Variants in ABCA7 observed in about 807,000 individuals in gnomAD.
The protein encoded by ABCA7 is phospholipid-transporting ATPase ABCA7.
A neutral mutation model predicts 227.6 loss-of-function variants in ABCA7; 261 were observed. The ratio of observed to expected loss-of-function variants is 1.15; its 90% CI spans 1.04 to 1.27. The LOEUF is 1.27. ABCA7 is among the 50% of genes most tolerant of loss of function. ABCA7 has a pLI of 0.00. For synonymous variants in ABCA7, 1,488 were observed against 1,279.7 expected (o/e 1.16, Z -3.47); for missense variants, 3,331 against 2,924.5 (o/e 1.14, Z -3.21).
chr19:1,048,496 C>CAAAAAAAAGAAAAA (rs1391167069), intron 16 of ABCA7, among the ~76,000 whole-genome samples: 1 of 21,628 alleles, frequency 4.6e-5, no homozygotes, highest in African/African-American at 1.9e-4. Context: ...AACTCAGTCT[C>CAAAAAAAAGAAAAA]AAAAAAAAAA....
intron 12 of ABCA7, 129 bp downstream of exon 12, chr19:1,045,360 T>C: frequency 2.0e-6 from 2 of 985,418 alleles, no homozygotes; most frequent in Non-Finnish European, 1.5e-6. Flanking sequence ...AACAGTGGTA[T>C]GGTAGCCAGA....
At chr19:1,058,324 G>A in intron 37 of ABCA7, 55 bp downstream of exon 37, 1 of 1,600,614 alleles carries the variant, frequency 6.2e-7, no homozygotes, top group South Asian at 1.1e-5. Flanking sequence ...CACCCTTGGA[G>A]ACCTAGAGTT....
At position 1,063,752 on chromosome 19, in the gene ABCA7, C is replaced by T; in HGVS notation, c.5848-8C>T. On this transcript the variant is annotated splice_region_variant and splice_polypyrimidine_tract_variant and intron_variant, in intron 43 of 46. Transcript: ENST00000263094. ...GGCCTTGCTTATGGGATCTTCCGTG[C>T]TCCCCAGGACGAGCCGACCACAGGC... is the stretch of plus-strand genomic sequence containing the variant. 6.5e-7 allele frequency: 1 copy of T among 1,546,782 alleles called. No homozygotes were observed. The highest frequency in any genetic ancestry group is 8.7e-7 in the Non-Finnish European group (1 of 1,145,692).
chr19:1,042,857 T>G (rs777032781), intron 7 of ABCA7, 31 bp downstream of exon 7: 1 of 1,540,340 alleles, frequency 6.5e-7, no homozygotes, highest in South Asian at 1.2e-5. Flanking sequence ...TCAACCCCCA[T>G]GGAGGCAACG....
At position 1,053,440 on chromosome 19, in the gene ABCA7, G is replaced by A. The variant is rs1568353720; in HGVS notation, c.3332G>A (p.Gly1111Asp). ...CTGCCCTACACGGGTGCCCATGACGGCAGCTTCGCCACACTCTTCCGAGAG... is the reference window on the plus strand; with the variant it reads ...CTGCCCTACACGGGTGCCCATGACGACAGCTTCGCCACACTCTTCCGAGAG... ...LVLPYTGAHD[G>D]SFATLFRELD... The change falls in exon 24 of 47, where the codon GGC (glycine) becomes GAC (aspartate). Residue 1111 changes from glycine (G) to aspartate (D), a missense_variant. Transcript: ENST00000263094. 3 of 1,603,724 alleles carry A rather than the reference G, an allele frequency of 1.9e-6. No homozygotes were observed. Among genetic ancestry groups the A allele is most frequent in the Non-Finnish European group, 2.5e-6 (3 of 1,176,922 alleles).
In ABCA7 at chr19:1,053,322, C is replaced by T; in HGVS notation, c.3221-7C>T. 10 of 1,606,398 alleles carry T rather than the reference C, an allele frequency of 6.2e-6. No homozygotes were observed. Among genetic ancestry groups the T allele is most frequent in the Non-Finnish European group, 8.5e-6 (10 of 1,177,344 alleles). ...GGGCTCCCTGAAGCACCCCTTTGTC[C>T]ACACAGGCACTCCTCAGCTGCTGGC... On this transcript the variant is annotated splice_region_variant and splice_polypyrimidine_tract_variant and intron_variant, in intron 23 of 46. Transcript: ENST00000263094.
chr19:1,055,191 C>T lies in ABCA7; in HGVS notation c.4045C>T (p.Arg1349Trp), dbSNP rs769101205. The change falls in exon 30 of 47, where the codon CGG becomes TGG. Residue 1349 changes from arginine to tryptophan, a missense_variant. Physicochemically the swap from Arg to Trp is moderately radical, Grantham distance 101. Coordinates refer to ENST00000263094, the MANE Select transcript of ABCA7 (RefSeq NM_019112.4). Reference protein sequence around the residue: ...ESPSPACQCSRPGARRLLPDC... With the variant: ...ESPSPACQCSWPGARRLLPDC... ...TCCATCCCCAGCCTGCCAGTGTAGC[C>T]GGCCCGGTGCCCGGCGCCTGCTGCC... The T allele has an allele frequency of 5.6e-6, 9 of 1,611,992 alleles. No individual in the cohort carries two copies. In the African/African-American group the frequency reaches 9.3e-5, roughly 17 times the overall value.
In ABCA7 at chr19:1,047,499, C is replaced by T; in HGVS notation, c.2114C>T (p.Ala705Val). 1 of 1,580,276 alleles carries T rather than the reference C, an allele frequency of 6.3e-7. No individual in the cohort carries two copies. Among genetic ancestry groups the T allele is most frequent in the Non-Finnish European group, 8.6e-7 (1 of 1,168,504 alleles). ...TTCGGCTTCGGCTGCGAGAGCCTGG[C>T]TCTGCTGGAGGAGCAGGGCGAGGGC... ...VAFGFGCESL[A>V]LLEEQGEGAQ... The change falls in exon 16 of 47, where the codon GCT (alanine) becomes GTT (valine). Residue 705 changes from alanine (A) to valine (V), a missense_variant. By Grantham distance (64) the Ala-to-Val change is moderately conservative. Coordinates refer to ENST00000263094, the MANE Select transcript of ABCA7 (RefSeq NM_019112.4).
Position 1,049,019 on chromosome 19 carries a change from A to T in ABCA7, c.2380+14A>T. On this transcript the variant is annotated intron_variant, in intron 17 of 46. Transcript: ENST00000263094. ...TGGACCCAAAGGGTGAGGCACTACG[A>T]GGCTTAATAGCTGGTTGTCCACATA... 6.8e-7 allele frequency: 1 copy of T among 1,480,368 alleles called. No homozygotes were observed. Among genetic ancestry groups the T allele is most frequent in the Non-Finnish European group, 9.2e-7 (1 of 1,086,876 alleles). The allele number at this position is 1,480,368 out of a possible 1,614,324, so 91.7% of individuals were successfully genotyped here. A position where few individuals can be genotyped will look rare whatever the true frequency, so the allele number is the denominator to read the frequency against.
chr19:1,064,812 T>C (rs2042934647), intron 45 of ABCA7, 119 bp from the exon 46 acceptor site: 2 of 1,407,394 alleles, frequency 1.4e-6, no homozygotes, highest in Non-Finnish European at 9.3e-7. Flanking sequence ...GGAGGACCAC[T>C]TGATCGCTAG....
rs143033789 is a variant in ABCA7 at position 1,043,230 on chromosome 19, G to C, written c.769G>C (p.Ala257Pro). Reference sequence around the variant, plus strand: ...GCTGGTGGGGCAGGAGCCAGAATCCGCCCTGCCAGACAGCAGCCTGAGTGA... The same window carrying C: ...GCTGGTGGGGCAGGAGCCAGAATCCCCCCTGCCAGACAGCAGCCTGAGTGA... ...MELVGQEPES[A>P]LPDSSLSPAC... The change falls in exon 8 of 47, where the codon GCC (alanine) becomes CCC (proline). Residue 257 changes from alanine (A) to proline (P), a missense_variant. Physicochemically the swap from Ala to Pro is conservative, Grantham distance 27 (BLOSUM62 -1). Coordinates refer to ENST00000263094, the MANE Select transcript of ABCA7 (RefSeq NM_019112.4). The C allele has an allele frequency of 2.5e-6, 4 of 1,607,684 alleles. No homozygotes were observed. Among genetic ancestry groups the C allele is most frequent in the African/African-American group, 2.7e-5 (2 of 74,964 alleles).
intron 11 of ABCA7, 123 bp downstream of exon 11, chr19:1,044,867 G>C (rs1209342071): frequency 2.8e-6 from 4 of 1,454,422 alleles, no homozygotes; most frequent in African/African-American, 1.4e-5. Context: ...GGGATTTGTA[G>C]AGATCTCAGG....
rs776412910 is a variant in ABCA7 at position 1,054,130 on chromosome 19, C to A, written c.3577+20C>A. The stretch of plus-strand genomic sequence containing the variant: ...AACCAGGTAAGTCCTTCCCAGTGGC[C>A]CTGGGGTCCTCCCAGCCACCCCCCC... On this transcript the variant is annotated intron_variant, in intron 26 of 46. Coordinates refer to ENST00000263094, the MANE Select transcript of ABCA7 (RefSeq NM_019112.4). This position sits in a 1 kb window ranked among gnomAD's most constrained non-coding sequence, Gnocchi z 4.8. 1.2e-6 allele frequency: 2 copies of A among 1,612,748 alleles called. No homozygotes were observed. Among genetic ancestry groups the A allele is most frequent in the South Asian group, 2.2e-5 (2 of 91,060 alleles).
At position 1,056,151 on chromosome 19, in the gene ABCA7, C is replaced by T. The variant is rs1486258649; in HGVS notation, c.4324C>T (p.Leu1442=). Residue 1442 remains leucine, a synonymous_variant, in exon 32 of 47, where the codon CTG becomes TTG. Coordinates refer to ENST00000263094, the MANE Select transcript of ABCA7 (RefSeq NM_019112.4). This position sits in a 1 kb window ranked among gnomAD's most constrained non-coding sequence, Gnocchi z 4.3. ...CCGCTCAGTGGAGGAGTTGTGGGCG[C>T]TGCTGAGTCCCCTGCCTGGCGGGGC... The part of the protein sequence containing the change: ...LGRSVEELWA[L]LSPLPGGALD... 6.2e-7 allele frequency: 1 copy of T among 1,609,490 alleles called. No individual in the cohort carries two copies. Among genetic ancestry groups the T allele is most frequent in the Middle Eastern group, 1.7e-4 (1 of 6,056 alleles).
At chr19:1,050,603 C>T (rs1478323162) in intron 18 of ABCA7, among the ~76,000 whole-genome samples, 2 of 150,556 alleles carry the variant, frequency 1.3e-5, no homozygotes, top group Non-Finnish European at 3.0e-5. Flanking sequence ...AACAGTGAAA[C>T]CCCGTCTCTA....
At position 1,051,494 on chromosome 19, in the gene ABCA7, GC is replaced by G. The variant is rs1164193798; in HGVS notation, c.2871del (p.Ser958ProfsTer34). 6.2e-7 allele frequency: 1 copy of G among 1,610,938 alleles called. No individual in the cohort carries two copies. Among genetic ancestry groups the G allele is most frequent in the Non-Finnish European group, 8.5e-7 (1 of 1,179,290 alleles). ...TCCGTGGCCATTGCCTTTGTGGGCGGCTCCCAAGTTGTTATCCTGGACGAGC... is the reference window on the plus strand; with the variant it reads ...TCCGTGGCCATTGCCTTTGTGGGCGGTCCCAAGTTGTTATCCTGGACGAGC... ...KLSVAIAFVG[G>X]SQVVILDEPT... is the part of the protein sequence containing the mutation. On this transcript the variant is annotated frameshift_variant, in exon 21 of 47. Transcript: ENST00000263094. LOFTEE classifies it high-confidence loss of function.
In ABCA7 at chr19:1,054,745, T is replaced by C. The variant is rs1599676259; in HGVS notation, c.3852-35T>C. ...GGCAGGAAGACTAGGGACCTGGGGG[T>C]ACAGCCCTGACCCTACATCTCCCCT... On this transcript the variant is annotated intron_variant, in intron 28 of 46. Transcript: ENST00000263094. The surrounding 1 kb of genome is among the most constrained non-coding windows in gnomAD (Gnocchi z 4.8). 6.2e-7 allele frequency: 1 copy of C among 1,607,350 alleles called. No homozygotes were observed. Among genetic ancestry groups the C allele is most frequent in the Non-Finnish European group, 8.5e-7 (1 of 1,175,896 alleles).
rs753400370 is a variant in ABCA7, at chr19:1,055,910, G to A, written c.4209G>A (p.Leu1403=). ...TCTCTGTCCATCTCTCCCACAGCCT[G>A]AAGACTAAGAAGTGGGTGAATGAGG... ...KTYPRLVRQG[L]KTKKWVNEVR... is the part of the protein sequence containing the mutation. The change falls in exon 31 of 47, where the codon CTG becomes CTA. Residue 1403 remains leucine (L), a synonymous_variant. Coordinates refer to ENST00000263094, the MANE Select transcript of ABCA7 (RefSeq NM_019112.4). 2.5e-6 allele frequency: 4 copies of A among 1,591,976 alleles called. No individual in the cohort carries two copies. The highest frequency in any genetic ancestry group is 3.5e-5 in the Admixed American group (2 of 56,856).
rs747657133 is a variant in ABCA7 at position 1,048,976 on chromosome 19, C to T, written c.2351C>T (p.Ala784Val). The change falls in exon 17 of 47, where the codon GCC becomes GTC. Residue 784 changes from alanine (A) to valine (V), a missense_variant. Ala to Val is a moderately conservative substitution (Grantham distance 64). Coordinates refer to ENST00000263094, the MANE Select transcript of ABCA7 (RefSeq NM_019112.4). Reference sequence around the variant, plus strand: ...GGACCTCGGCCCCCCAAGAGTCCAGCCCCTTGCCCCACCCCGCTGGACCCA... The same window carrying T: ...GGACCTCGGCCCCCCAAGAGTCCAGTCCCTTGCCCCACCCCGCTGGACCCA... ...WCGPRPPKSPAPCPTPLDPKV... is the reference protein window; with the variant it reads ...WCGPRPPKSPVPCPTPLDPKV... The T allele has an allele frequency of 2.5e-6, 4 of 1,603,820 alleles. No individual in the cohort carries two copies. Among genetic ancestry groups the T allele is most frequent in the Admixed American group, 1.7e-5 (1 of 58,624 alleles).
Sources: gnomAD v4.1 joint callset for allele counts (sites outside exome capture counted in the v4.1 genomes callset) on GRCh38, gnomAD v4.1.1 for gene constraint, Gnocchi (gnomAD v3.1) non-coding constraint, MANE v1.5 for transcripts, NCBI Gene and HGNC (gene_info 2026-07-23, HGNC 2026-07-21) for gene names.